The following CNTNAP2 variants were observed in gnomAD, a reference collection of about 807,000 sequenced individuals.
CNTNAP2 encodes the protein contactin-associated protein-like 2.
Under a neutral mutation model 155.2 loss-of-function variants are expected in CNTNAP2, and 98 were observed. The observed-to-expected ratio is 0.63, with a 90% CI of 0.54 to 0.75. CNTNAP2 has a LOEUF of 0.75. Among genes scored for constraint, CNTNAP2 ranks in the 30% least tolerant of loss-of-function variants. The pLI is 0.00. For synonymous variants in CNTNAP2, 651 were observed against 631.2 expected, an observed-to-expected ratio of 1.03 and a Z score of -0.47; for missense variants, 1,727 against 1,688.1, an observed-to-expected ratio of 1.02 and a Z score of -0.40.
chr7:147,036,363 G>A (rs1378313210), intron 3 of CNTNAP2, among the ~76,000 whole-genome samples: 3 of 152,056 alleles, frequency 2.0e-5, no homozygotes, highest in Non-Finnish European at 2.9e-5. Context: ...AAACTTCAGG[G>A]ATGTTTATTC....
At chr7:146,736,418 T>A (rs76549804) in intron 1 of CNTNAP2, among the ~76,000 whole-genome samples, 1 of 152,270 alleles carries the variant, frequency 6.6e-6, no homozygotes, top group Non-Finnish European at 1.5e-5. Flanking sequence ...CTGTGAGGAT[T>A]TGAGGATTGA....
At chr7:147,300,392 G>A (rs577036101) in intron 9 of CNTNAP2, 102 bp downstream of exon 9, 3 of 1,311,584 alleles carry the variant, frequency 2.3e-6, no homozygotes, top group South Asian at 1.2e-5. Context: ...AACTGACTCA[G>A]TAGATCTCAT....
chr7:146,911,669 G>A (rs1337222053), intron 3 of CNTNAP2, among the ~76,000 whole-genome samples: 1 of 117,026 alleles, frequency 8.5e-6, no homozygotes, highest in Non-Finnish European at 1.7e-5. Context: ...GGTGGGGGGA[G>A]GGGGGAGGGA....
At chr7:148,370,643 C>T (rs1391226710) in intron 21 of CNTNAP2, among the ~76,000 whole-genome samples, 2 of 152,108 alleles carry the variant, frequency 1.3e-5, no homozygotes, top group Non-Finnish European at 2.9e-5. Context: ...CCCCCCCTAC[C>T]CCTGCCCTTC....
chr7:147,616,147 T>A (rs1279200192), intron 12 of CNTNAP2, among the ~76,000 whole-genome samples: 4 of 152,228 alleles, frequency 2.6e-5, no homozygotes, highest in Admixed American at 2.6e-4. Flanking sequence ...AAGTCTATTT[T>A]AAAATATTTA....
Position 148,115,993 on chromosome 7 carries a change from G to T in CNTNAP2, c.2384-2125G>T, listed in dbSNP as rs573536753. ...GTCTCTACTAAAAATACAAAAATTA[G>T]CCTGGCATGGTGGTGTGTGCCTGTA... On this transcript the variant is annotated intron_variant, in intron 15 of 23. Coordinates refer to ENST00000361727, the MANE Select transcript of CNTNAP2 (RefSeq NM_014141.6). 5.3e-5 allele frequency among the ~76,000 whole-genome samples: 8 copies of T among 152,098 alleles called. No individual in the cohort carries two copies. The South Asian group carries it at 1.0e-3, about 20-fold the overall frequency.
Position 147,690,593 on chromosome 7 carries a change from A to C in CNTNAP2, c.2098+51287A>C, listed in dbSNP as rs141192271. On this transcript the variant is annotated intron_variant, in intron 13 of 23. Coordinates refer to ENST00000361727, the MANE Select transcript of CNTNAP2 (RefSeq NM_014141.6). Reference sequence around the variant, plus strand: ...CACAAATAATTAATCTTAATATATCATAAAGGAAAATTACACAGCAATATG... The same window carrying C: ...CACAAATAATTAATCTTAATATATCCTAAAGGAAAATTACACAGCAATATG... Among the ~76,000 whole-genome samples, 391 of 152,292 alleles carry C rather than the reference A, an allele frequency of 2.6e-3. 4 individuals carry two copies. Among genetic ancestry groups the C allele is most frequent in the Non-Finnish European group, 2.1e-3 (146 of 68,030 alleles).
At chr7:146,971,639 T>C (rs1190190351) in intron 3 of CNTNAP2, among the ~76,000 whole-genome samples, 1 of 151,944 alleles carries the variant, frequency 6.6e-6, no homozygotes. Context: ...CTGGTGAGGG[T>C]CCTTTTCTGT....
At chr7:147,790,609 T>C (rs550507083) in intron 13 of CNTNAP2, among the ~76,000 whole-genome samples, 58 of 152,374 alleles carry the variant, frequency 3.8e-4, no homozygotes, top group Middle Eastern at 3.4e-3. Flanking sequence ...TCCCATTTTA[T>C]AACTTGAATT....
In CNTNAP2 at chr7:148,020,151, T is replaced by C. The variant is rs555481859; in HGVS notation, c.2383+42162T>C. Among the ~76,000 whole-genome samples the C allele has an allele frequency of 1.3e-4, 20 of 152,326 alleles. 1 individual carries two copies. In the South Asian group the frequency reaches 3.5e-3, roughly 27 times the overall value. ...GATATTGCTTCACCTTTAGTTGCCA[T>C]GTAATTGAGGCATACCTCATCATCA... On this transcript the variant is annotated intron_variant, in intron 15 of 23. Transcript: ENST00000361727.
chr7:147,502,120 T>C (rs1192728565), intron 11 of CNTNAP2, among the ~76,000 whole-genome samples: 1 of 152,152 alleles, frequency 6.6e-6, no homozygotes, highest in Non-Finnish European at 1.5e-5. Flanking sequence ...TGGAAGAGTT[T>C]AACAGTTAGT....
chr7:147,346,985 A>G (rs923028776), intron 9 of CNTNAP2, among the ~76,000 whole-genome samples: 3 of 152,134 alleles, frequency 2.0e-5, no homozygotes, highest in African/African-American at 7.2e-5. Flanking sequence ...TTATGAACAA[A>G]AAATACACAC....
intron 1 of CNTNAP2, among the ~76,000 whole-genome samples, chr7:146,359,587 T>C (rs1289496625): frequency 6.6e-6 from 1 of 152,220 alleles, no homozygotes; most frequent in African/African-American, 2.4e-5. Context: ...TAGGGCTTTA[T>C]TTATTTATGG....
chr7:147,686,278 TATTTG>T (rs1796016931), intron 13 of CNTNAP2, among the ~76,000 whole-genome samples: 1 of 151,984 alleles, frequency 6.6e-6, no homozygotes, highest in South Asian at 2.1e-4. Context: ...GAGTTGAAGG[TATTTG>T]ATTTGAGCAA....
intron 9 of CNTNAP2, among the ~76,000 whole-genome samples, chr7:147,308,443 G>A (rs1156255502): frequency 1.3e-5 from 2 of 152,202 alleles, no homozygotes; most frequent in Non-Finnish European, 2.9e-5. Context: ...TAGCAGTGGA[G>A]CCAGTAGGTA....
chr7:148,370,984 C>T (rs371019863), intron 21 of CNTNAP2, among the ~76,000 whole-genome samples: 139 of 152,220 alleles, frequency 9.1e-4, no homozygotes, highest in Non-Finnish European at 1.7e-3. Flanking sequence ...AAACACACCC[C>T]GGTTTATTAT....
intron 1 of CNTNAP2, among the ~76,000 whole-genome samples, chr7:146,401,096 AT>A (rs1484802478): frequency 6.6e-6 from 1 of 152,338 alleles, no homozygotes; most frequent in Non-Finnish European, 1.5e-5. Context: ...AAACAGCACT[AT>A]TTAAATTTCA....
chr7:147,773,673 G>A (rs1052413990), intron 13 of CNTNAP2, among the ~76,000 whole-genome samples: 20 of 152,084 alleles, frequency 1.3e-4, no homozygotes, highest in African/African-American at 4.8e-4. Flanking sequence ...CTGGACTGTG[G>A]CAGTATACTA....
At chr7:146,366,730 A>G (rs1443669664) in intron 1 of CNTNAP2, among the ~76,000 whole-genome samples, 1 of 152,134 alleles carries the variant, frequency 6.6e-6, no homozygotes, top group Non-Finnish European at 1.5e-5. Flanking sequence ...ACTGATCTTC[A>G]TTTCAGTCAT....
Sources: gnomAD v4.1 joint callset for allele counts (sites outside exome capture counted in the v4.1 genomes callset) on GRCh38, gnomAD v4.1.1 for gene constraint, MANE v1.5 for transcripts, NCBI Gene and HGNC (gene_info 2026-07-23, HGNC 2026-07-21) for gene names.